Variants in EIF3H observed in about 807,000 individuals in gnomAD.
The protein encoded by EIF3H is eukaryotic translation initiation factor 3 subunit H.
EIF3H carries 26 observed loss-of-function variants against 44.2 expected under a neutral mutation model. That is an observed-to-expected ratio of 0.59 (90% CI 0.43 to 0.82). The LOEUF (loss-of-function observed/expected upper bound fraction) is 0.82, where lower values mean the gene tolerates loss of function less well. Ranked by LOEUF, EIF3H falls within the 40% of genes least tolerant of loss-of-function variation. The probability of loss-of-function intolerance (pLI) is 0.00; values close to 1 mark genes in which losing one functional copy is unlikely to be tolerated. For missense variants in EIF3H, 359 were observed against 432.8 expected (o/e 0.83, Z 1.51); for synonymous variants, 166 against 151.9 (o/e 1.09, Z -0.68).
chr8:116,697,427 T>C (rs1383645072), intron 2 of EIF3H, among the ~76,000 whole-genome samples: 1 of 152,228 alleles, frequency 6.6e-6, no homozygotes, highest in African/African-American at 2.4e-5. Context: ...ACTGTTTTAC[T>C]ACCTACATCT....
intron 2 of EIF3H, among the ~76,000 whole-genome samples, chr8:116,709,581 A>G (rs1434931973): frequency 6.6e-6 from 1 of 152,230 alleles, no homozygotes; most frequent in Non-Finnish European, 1.5e-5. Flanking sequence ...AGATTCTGCT[A>G]GCCAGTCCTC....
chr8:116,654,215 T>A (rs186494320), intron 5 of EIF3H, among the ~76,000 whole-genome samples: 488 of 152,332 alleles, frequency 3.2e-3, no homozygotes, highest in Non-Finnish European at 4.9e-3. Context: ...ATGGGACCTC[T>A]TTTTCCTCAT....
chr8:116,714,881 C>A (rs1290392274), intron 2 of EIF3H, among the ~76,000 whole-genome samples: 1 of 152,032 alleles, frequency 6.6e-6, no homozygotes, highest in Non-Finnish European at 1.5e-5. Flanking sequence ...AAATTCAACT[C>A]TTCTCTGAGC....
At chr8:116,750,262 A>C (rs1339001898) in intron 1 of EIF3H, among the ~76,000 whole-genome samples, 2 of 152,396 alleles carry the variant, frequency 1.3e-5, no homozygotes, top group African/African-American at 4.8e-5. Flanking sequence ...AAAACAGAGT[A>C]AGTCGATTAA....
chr8:116,745,453 C>T (rs1815215152), intron 1 of EIF3H, among the ~76,000 whole-genome samples: 1 of 152,138 alleles, frequency 6.6e-6, no homozygotes, highest in Non-Finnish European at 1.5e-5. Context: ...TTAAATAATA[C>T]CCAAGAAGAC....
intron 2 of EIF3H, among the ~76,000 whole-genome samples, chr8:116,715,187 C>T (rs1181753004): frequency 1.3e-5 from 2 of 152,004 alleles, no homozygotes; most frequent in African/African-American, 4.8e-5. Flanking sequence ...CATATTTTAG[C>T]CTCTGAAAGG....
At chr8:116,689,170 C>CAGAG (rs1336484143) in intron 2 of EIF3H, 1 of 424,692 alleles carries the variant, frequency 2.4e-6, no homozygotes, top group Non-Finnish European at 4.7e-6. Flanking sequence ...TGAAATAAGT[C>CAGAG]AGAGACAAAA....
rs56700266 is a variant in EIF3H at position 116,666,753 on chromosome 8, C to CAAAAAAAAAAAAAAA, written c.290-7788_290-7774dup. ...CCAAATGAGAATCTTTAGTGTTAGG[C>CAAAAAAAAAAAAAAA]AAAAAAAAAAAAAAAAAAAAAAATT... On this transcript the variant is annotated intron_variant, in intron 2 of 7. Transcript: ENST00000521861. Among the ~76,000 whole-genome samples, 6 of 71,446 alleles carry CAAAAAAAAAAAAAAA rather than the reference C, an allele frequency of 8.4e-5. 1 individual carries two copies. The highest frequency in any genetic ancestry group is 3.4e-4 in the African/African-American group (5 of 14,602). The allele number at this position is 71,446 out of a possible 152,430, so 46.9% of individuals were successfully genotyped here.
At chr8:116,733,722 A>G (rs1814987595) in intron 1 of EIF3H, among the ~76,000 whole-genome samples, 1 of 152,026 alleles carries the variant, frequency 6.6e-6, no homozygotes, top group African/African-American at 2.4e-5. Context: ...GAAATGTCTG[A>G]AATATTTATT....
At chr8:116,655,288 T>G (rs920258787) in intron 5 of EIF3H, among the ~76,000 whole-genome samples, 1 of 150,680 alleles carries the variant, frequency 6.6e-6, no homozygotes, top group African/African-American at 2.4e-5. Context: ...AGCAACTAGA[T>G]AGCTAAGGCA....
intron 2 of EIF3H, among the ~76,000 whole-genome samples, chr8:116,704,833 ATT>A (rs34841893): frequency 6.6e-5 from 10 of 152,020 alleles, no homozygotes; most frequent in South Asian, 4.2e-4. Context: ...TATTTCAAGC[ATT>A]TTTTTTTCTT....
chr8:116,675,686 T>A (rs185352536), intron 2 of EIF3H, among the ~76,000 whole-genome samples: 1 of 152,350 alleles, frequency 6.6e-6, no homozygotes, highest in African/African-American at 2.4e-5. Flanking sequence ...CTACTGCTGA[T>A]CCACTTTTGA....
At chr8:116,738,725 C>T (rs1457312607) in intron 1 of EIF3H, among the ~76,000 whole-genome samples, 1 of 152,178 alleles carries the variant, frequency 6.6e-6, no homozygotes, top group African/African-American at 2.4e-5. Context: ...TAATTTTAAA[C>T]TGTTAGAACC....
At chr8:116,755,920 G>C, upstream of EIF3H, 3 of 1,543,220 alleles carry the variant, frequency 1.9e-6, no homozygotes, top group Middle Eastern at 1.7e-4. Flanking sequence ...GCCAAAATTG[G>C]GCCCCGCCTC....
At chr8:116,662,554 GTTATCTC>G (rs1813601347) in intron 2 of EIF3H, among the ~76,000 whole-genome samples, 1 of 152,162 alleles carries the variant, frequency 6.6e-6, no homozygotes, top group Non-Finnish European at 1.5e-5. Context: ...CATGAACTGC[GTTATCTC>G]TGTAGACTTT....
intron 2 of EIF3H, among the ~76,000 whole-genome samples, chr8:116,704,139 C>T (rs1428191983): frequency 6.6e-6 from 1 of 152,192 alleles, no homozygotes; most frequent in African/African-American, 2.4e-5. Context: ...TAACAATCAA[C>T]AAAAGGGTGT....
intron 1 of EIF3H, among the ~76,000 whole-genome samples, chr8:116,741,209 T>C (rs1815126290): frequency 6.6e-6 from 1 of 152,202 alleles, no homozygotes. Flanking sequence ...GTTACCCTTA[T>C]GGCACAGACA....
In EIF3H at chr8:116,655,726, T is replaced by A; in HGVS notation, c.707+130A>T. Reference sequence around the variant, plus strand: ...ACAGGGCCAGACTATTACTCCATGTTATACATGTTTTAAGAACCTATAAAC... The same window carrying A: ...ACAGGGCCAGACTATTACTCCATGTAATACATGTTTTAAGAACCTATAAAC... On this transcript the variant is annotated intron_variant, in intron 5 of 7. Coordinates refer to ENST00000521861, the MANE Select transcript of EIF3H (RefSeq NM_003756.3). The A allele has an allele frequency of 4.2e-6, 4 of 954,888 alleles. No individual in the cohort carries two copies. The South Asian group carries it at 5.9e-5, about 14-fold the overall frequency. The allele number at this position is 954,888 out of a possible 1,614,324, so 59.2% of individuals were successfully genotyped here.
intron 2 of EIF3H, among the ~76,000 whole-genome samples, chr8:116,714,401 AT>A (rs1192024237): frequency 6.6e-6 from 1 of 151,958 alleles, no homozygotes; most frequent in South Asian, 2.1e-4. Context: ...CTGTTTTACA[AT>A]TTTTTTATGT....
Sources: allele counts gnomAD v4.1 joint callset (sites outside exome capture counted in the v4.1 genomes callset), GRCh38; gene constraint gnomAD v4.1.1; transcripts MANE v1.5; gene names NCBI Gene and HGNC (gene_info 2026-07-23, HGNC 2026-07-21).